Variants in ENTREP2 observed in about 807,000 individuals in gnomAD.
ENTREP2 encodes the protein endosomal transmembrane epsin interactor 2, also known as protein ENTREP2.
the ENTREP2 span, among the ~76,000 whole-genome samples, chr15:29,352,033 C>A: frequency 6.6e-6 from 1 of 152,166 alleles, no homozygotes; most frequent in African/African-American, 2.4e-5. Context: ...CTCCTGGACT[C>A]AAGCGATCCT....
At chr15:29,381,329 C>T in the ENTREP2 span, among the ~76,000 whole-genome samples, 1 of 151,096 alleles carries the variant, frequency 6.6e-6, no homozygotes, top group Non-Finnish European at 1.5e-5. Context: ...TGGTGGCAGG[C>T]ACCTGTAATT....
chr15:29,211,648 T>TC, the ENTREP2 span, among the ~76,000 whole-genome samples: 1 of 152,184 alleles, frequency 6.6e-6, no homozygotes, highest in African/African-American at 2.4e-5. Flanking sequence ...GTGAGATATG[T>TC]CCTTTGTATC....
chr15:29,329,318 G>A, the ENTREP2 span, among the ~76,000 whole-genome samples: 8 of 150,160 alleles, frequency 5.3e-5, no homozygotes, highest in South Asian at 6.3e-4. Flanking sequence ...AGCTGCGATC[G>A]CACCACTGCA....
the ENTREP2 span, among the ~76,000 whole-genome samples, chr15:29,427,651 A>G: frequency 3.0e-4 from 45 of 148,908 alleles, 1 homozygote; most frequent in African/African-American, 1.0e-3. Context: ...TCTTTCCCTT[A>G]TGAGGGCCCT....
At chr15:29,269,789 G>A in the ENTREP2 span, 65 of 1,274,210 alleles carry the variant, frequency 5.1e-5, no homozygotes, top group African/African-American at 6.5e-4. Context: ...GCTAACGCCG[G>A]TGCCTGGAGG....
chr15:29,198,605 C>T, the ENTREP2 span, among the ~76,000 whole-genome samples: 1 of 152,216 alleles, frequency 6.6e-6, no homozygotes, highest in South Asian at 2.1e-4. Flanking sequence ...ACCTAACACA[C>T]ATACACAAAA....
the ENTREP2 span, among the ~76,000 whole-genome samples, chr15:29,593,452 T>C: frequency 6.6e-6 from 1 of 152,142 alleles, no homozygotes; most frequent in Non-Finnish European, 1.5e-5. Flanking sequence ...ACTCCTCCTC[T>C]GTATGTCCCA....
At chr15:29,593,486 C>T in the ENTREP2 span, among the ~76,000 whole-genome samples, 1 of 152,172 alleles carries the variant, frequency 6.6e-6, no homozygotes, top group Non-Finnish European at 1.5e-5. Context: ...CAGCTGCCCC[C>T]TCCCATAGGC....
chr15:29,311,076 AT>A, the ENTREP2 span, among the ~76,000 whole-genome samples: 13,313 of 149,530 alleles, frequency 0.089, 1,894 homozygotes, highest in African/African-American at 0.3. Flanking sequence ...GAGATTGGGA[AT>A]TTTTTTTTTT....
chr15:29,175,587 G>C, the ENTREP2 span, among the ~76,000 whole-genome samples: 1 of 152,234 alleles, frequency 6.6e-6, no homozygotes, highest in African/African-American at 2.4e-5. Context: ...GGACAGGAAC[G>C]CTGATGTTTG....
the ENTREP2 span, among the ~76,000 whole-genome samples, chr15:29,336,287 TAGAC>T: frequency 6.6e-6 from 1 of 151,986 alleles, no homozygotes; most frequent in African/African-American, 2.4e-5. Context: ...TGTTTTCAAA[TAGAC>T]AGAAAACCAA....
chr15:29,324,555 G>A, the ENTREP2 span, among the ~76,000 whole-genome samples: 1 of 152,148 alleles, frequency 6.6e-6, no homozygotes, highest in African/African-American at 2.4e-5. Flanking sequence ...TAGAAGTGAA[G>A]GGATGAAGAA....
the ENTREP2 span, chr15:29,675,206 C>G: frequency 6.6e-6 from 1 of 152,470 alleles, no homozygotes; most frequent in Non-Finnish European, 1.5e-5. Context: ...TCTGCAGTGC[C>G]GTCCTCCCGG....
the ENTREP2 span, among the ~76,000 whole-genome samples, chr15:29,326,059 A>G: frequency 1.3e-5 from 2 of 152,148 alleles, no homozygotes; most frequent in African/African-American, 2.4e-5. Flanking sequence ...AAAATTCTCT[A>G]CAAACTAAGA....
the ENTREP2 span, among the ~76,000 whole-genome samples, chr15:29,652,254 C>G: frequency 1.3e-5 from 2 of 152,154 alleles, no homozygotes; most frequent in South Asian, 4.1e-4. Context: ...GGCCACCCAC[C>G]CCAGGGCCTT....
At chr15:29,202,112 GT>G in the ENTREP2 span, among the ~76,000 whole-genome samples, 1 of 152,112 alleles carries the variant, frequency 6.6e-6, no homozygotes, top group Non-Finnish European at 1.5e-5. Context: ...TGGGTCTGTA[GT>G]TATATCCCGG....
the ENTREP2 span, among the ~76,000 whole-genome samples, chr15:29,565,864 G>A: frequency 6.6e-6 from 1 of 151,868 alleles, no homozygotes; most frequent in African/African-American, 2.4e-5. Context: ...GGGAGGCTGA[G>A]GCAGGAGAAT....
chr15:29,432,478 A>T, the ENTREP2 span, among the ~76,000 whole-genome samples: 1 of 152,112 alleles, frequency 6.6e-6, no homozygotes, highest in African/African-American at 2.4e-5. Context: ...AACTGCTCTG[A>T]TGTCTTCTTC....
the ENTREP2 span, among the ~76,000 whole-genome samples, chr15:29,564,378 G>A: frequency 3.9e-5 from 6 of 152,030 alleles, no homozygotes; most frequent in Non-Finnish European, 5.9e-5. Flanking sequence ...TTTTCCTTGG[G>A]GGTCCCCTTC....
Sources: allele counts gnomAD v4.1 joint callset (sites outside exome capture counted in the v4.1 genomes callset), GRCh38; gene constraint gnomAD v4.1.1; transcripts MANE v1.5; gene names NCBI Gene and HGNC (gene_info 2026-07-23, HGNC 2026-07-21).